IFT140: variants seen among roughly 807,000 people sequenced by gnomAD.
The protein encoded by IFT140 is intraflagellar transport protein 140 homolog.
A neutral mutation model predicts 164.6 loss-of-function variants in IFT140; 133 were observed. The observed-to-expected ratio is 0.81, with a 90% confidence interval of 0.70 to 0.93. The LOEUF (loss-of-function observed/expected upper bound fraction) is 0.93. Ranked by LOEUF, IFT140 falls within the 40% of genes least tolerant of loss-of-function variation. The pLI is 0.00. For missense variants in IFT140, 2,045 were observed against 1,972.3 expected, an observed-to-expected ratio of 1.04 and a Z score of -0.70; for synonymous variants, 860 against 817.3, an observed-to-expected ratio of 1.05 and a Z score of -0.89.
chr16:1,520,559 C>T (rs1435517070), intron 27 of IFT140, 43 bp downstream of exon 27: 1 of 1,527,336 alleles, frequency 6.5e-7, no homozygotes, highest in Non-Finnish European at 8.9e-7. Context: ...CGCAGCCTAA[C>T]TGCCTGTGAG....
At chr16:1,579,953 G>A (rs2034469297) in intron 13 of IFT140, among the ~76,000 whole-genome samples, 1 of 140,010 alleles carries the variant, frequency 7.1e-6, no homozygotes, top group African/African-American at 2.7e-5. Context: ...GACAAAGCAA[G>A]ACTCCATCTC....
intron 17 of IFT140, 58 bp from the exon 18 acceptor site, chr16:1,562,174 G>C: frequency 6.9e-7 from 1 of 1,458,324 alleles, no homozygotes; most frequent in East Asian, 2.4e-5. Context: ...TAAATTTCTG[G>C]GGTATGAGTG....
intron 19 of IFT140, chr16:1,534,225 G>A (rs373405458): frequency 3.9e-5 from 63 of 1,596,308 alleles, no homozygotes; most frequent in African/African-American, 5.4e-5. Flanking sequence ...ACGTGCGGCC[G>A]CGGACTGGGA....
At chr16:1,518,142 T>G in intron 30 of IFT140, 74 bp downstream of exon 30, 4 of 1,478,548 alleles carry the variant, frequency 2.7e-6, no homozygotes, top group Non-Finnish European at 3.7e-6. Context: ...ACAGCCTCAG[T>G]TTGAGCCGTT....
chr16:1,575,270 G>A (rs2034217605), intron 13 of IFT140, among the ~76,000 whole-genome samples: 2 of 152,100 alleles, frequency 1.3e-5, no homozygotes, highest in South Asian at 4.1e-4. Context: ...AGCTACTTGG[G>A]AGGCTGAGGC....
Position 1,520,400 on chromosome 16 carries a change from A to G in IFT140, c.3661-57T>C, listed in dbSNP as rs1478447817. On this transcript the variant is annotated intron_variant, in intron 27 of 30. Transcript: ENST00000426508. ...CAGGGGCTGGGCCGGGACAAGCACA[A>G]GGGACCCCGAGCAGGAGCTCTCACA... 4 of 1,564,434 alleles carry G rather than the reference A, an allele frequency of 2.6e-6. No individual in the cohort carries two copies. In the African/African-American group the frequency reaches 5.4e-5, roughly 21 times the overall value.
At chr16:1,549,453 T>C (rs1355101362) in intron 19 of IFT140, among the ~76,000 whole-genome samples, 1 of 152,250 alleles carries the variant, frequency 6.6e-6, no homozygotes, top group Non-Finnish European at 1.5e-5. Context: ...TGAGACTGGC[T>C]TTCGCTCTTG....
intron 15 of IFT140, among the ~76,000 whole-genome samples, chr16:1,567,703 A>G (rs1245651470): frequency 1.3e-5 from 2 of 152,160 alleles, no homozygotes; most frequent in African/African-American, 2.4e-5. Flanking sequence ...AGCGGAAGGG[A>G]AGGAACCAGG....
At chr16:1,534,237 T>C (rs771552609) in intron 19 of IFT140, 3 of 1,604,296 alleles carry the variant, frequency 1.9e-6, no homozygotes, top group Non-Finnish European at 2.5e-6. Flanking sequence ...GGACTGGGAC[T>C]TGGCTTTCTC....
At chr16:1,582,964 G>A (rs9934342) in intron 12 of IFT140, among the ~76,000 whole-genome samples, 28,613 of 152,174 alleles carry the variant, frequency 0.19, 3,501 homozygotes, top group African/African-American at 0.33. Context: ...GCATGTCTGA[G>A]GAGCCACCTT....
intron 3 of IFT140, among the ~76,000 whole-genome samples, chr16:1,603,195 A>C (rs768535957): frequency 3.6e-4 from 55 of 152,164 alleles, no homozygotes; most frequent in Middle Eastern, 3.4e-3. Flanking sequence ...TGGCTGCTGG[A>C]TGGCTGGCAC....
Position 1,523,843 on chromosome 16 carries a change from G to A in IFT140, c.3255C>T (p.Val1085=). 1 of 1,613,142 alleles carries A rather than the reference G, an allele frequency of 6.2e-7. No homozygotes were observed. Among genetic ancestry groups the A allele is most frequent in the Non-Finnish European group, 8.5e-7 (1 of 1,179,990 alleles). Residue 1085 remains valine, a synonymous_variant, in exon 25 of 31, where the codon GTC becomes GTT. Transcript: ENST00000426508. ...CAGCCCTCACCTTGTGGTACAGCAT[G>A]ACCGCCCTGTCCATCTGCACGCCCT... is the stretch of plus-strand genomic sequence containing the variant. ...EEKGVQMDRA[V]MLYHKAGHFS...
chr16:1,529,519 C>T (rs2030212550), intron 19 of IFT140, among the ~76,000 whole-genome samples: 5 of 152,218 alleles, frequency 3.3e-5, no homozygotes, highest in Admixed American at 3.3e-4. Context: ...TCCTGATCTC[C>T]GATTCGCGCT....
At chr16:1,555,125 G>A (rs1311421492) in intron 19 of IFT140, 1 of 1,459,486 alleles carries the variant, frequency 6.9e-7, no homozygotes, top group African/African-American at 1.4e-5. Context: ...TGCTCGTGCA[G>A]AGGCACGGGA....
rs2040133678 is a variant in IFT140 at position 1,511,167 on chromosome 16, G to C, written c.4183-17C>G. On this transcript the variant is annotated splice_polypyrimidine_tract_variant and intron_variant, in intron 30 of 30. Coordinates refer to ENST00000426508, the MANE Select transcript of IFT140 (RefSeq NM_014714.4). ...TCTGTAGGCCTGGGGCAGAGGAGCAGACATTACTCAGCTTTCCTGAACAAC... is the reference window on the plus strand; with the variant it reads ...TCTGTAGGCCTGGGGCAGAGGAGCACACATTACTCAGCTTTCCTGAACAAC... The C allele has an allele frequency of 6.3e-7, 1 of 1,587,844 alleles. No homozygotes were observed. The highest frequency in any genetic ancestry group is 1.8e-5 in the Admixed American group (1 of 55,422).
chr16:1,593,494 T>G (rs896827448), intron 4 of IFT140, among the ~76,000 whole-genome samples: 2 of 152,092 alleles, frequency 1.3e-5, no homozygotes, highest in Non-Finnish European at 2.9e-5. Flanking sequence ...GTATTTTTAG[T>G]AGAGACAGGG....
At chr16:1,584,128 GC>G (rs780283268) in intron 11 of IFT140, 88 bp downstream of exon 11, 55 of 1,111,742 alleles carry the variant, frequency 4.9e-5, no homozygotes, top group Non-Finnish European at 7.2e-5. Context: ...GGCCTAACCT[GC>G]CATCTGGGGC....
intron 19 of IFT140, among the ~76,000 whole-genome samples, chr16:1,545,581 T>C (rs1398084497): frequency 6.6e-6 from 1 of 152,062 alleles, no homozygotes; most frequent in African/African-American, 2.4e-5. Context: ...CAGGATGTCC[T>C]GTCACAGGAC....
intron 4 of IFT140, among the ~76,000 whole-genome samples, chr16:1,593,549 G>A (rs567652363): frequency 6.6e-6 from 1 of 152,110 alleles, no homozygotes; most frequent in Non-Finnish European, 1.5e-5. Flanking sequence ...ACATCTGGCC[G>A]CCGTGTCTCC....
Sources: allele counts gnomAD v4.1 joint callset (sites outside exome capture counted in the v4.1 genomes callset), GRCh38; gene constraint gnomAD v4.1.1; transcripts MANE v1.5; gene names NCBI Gene and HGNC (gene_info 2026-07-23, HGNC 2026-07-21).